AKAP6: variants seen among roughly 807,000 people sequenced by gnomAD.
The protein encoded by AKAP6 is A-kinase anchoring protein 6.
A neutral mutation model predicts 188.5 loss-of-function variants in AKAP6; 58 were observed. The ratio of observed to expected loss-of-function variants is 0.31; its 90% CI spans 0.25 to 0.38. AKAP6 has a LOEUF of 0.38. Among genes scored for constraint, AKAP6 ranks in the 10% least tolerant of loss-of-function variants. AKAP6 has a pLI of 1.00. For missense variants in AKAP6, 2,710 were observed against 2,740.0 expected (o/e 0.99, Z 0.24); for synonymous variants, 989 against 998.6 (o/e 0.99, Z 0.18).
At chr14:32,554,134 T>G (rs1475570867) in intron 4 of AKAP6, among the ~76,000 whole-genome samples, 2 of 152,258 alleles carry the variant, frequency 1.3e-5, no homozygotes, top group Non-Finnish European at 2.9e-5. Flanking sequence ...GTGAGCCAAA[T>G]GTGGCCCAAT....
chr14:32,475,678 C>CT (rs11156748), intron 2 of AKAP6, among the ~76,000 whole-genome samples: 36,998 of 123,570 alleles, frequency 0.3, 6,126 homozygotes, highest in South Asian at 0.46. Context: ...ATTTTCAGCT[C>CT]TTTTTTTTTT....
intron 1 of AKAP6, among the ~76,000 whole-genome samples, chr14:32,331,596 C>T (rs1412487761): frequency 6.6e-6 from 1 of 152,074 alleles, no homozygotes. Context: ...TGTAGAGGGC[C>T]ACAGCCTGCG....
intron 12 of AKAP6, among the ~76,000 whole-genome samples, chr14:32,799,435 C>T (rs1173119319): frequency 8.1e-6 from 1 of 123,974 alleles, no homozygotes; most frequent in South Asian, 3.2e-4. Context: ...CGAATATATG[C>T]ACTTAATGCT....
chr14:32,777,776 A>C (rs1052155891), intron 12 of AKAP6, among the ~76,000 whole-genome samples: 2 of 152,178 alleles, frequency 1.3e-5, no homozygotes, highest in African/African-American at 4.8e-5. Context: ...TCTTGCTCAC[A>C]TATGTAATTC....
At chr14:32,390,914 T>G (rs1380317748) in intron 1 of AKAP6, among the ~76,000 whole-genome samples, 1 of 152,178 alleles carries the variant, frequency 6.6e-6, no homozygotes, top group Non-Finnish European at 1.5e-5. Flanking sequence ...TCCTGCCTCC[T>G]GTCCGCCATG....
chr14:32,755,096 C>T (rs569701746), intron 11 of AKAP6, among the ~76,000 whole-genome samples: 3 of 152,304 alleles, frequency 2.0e-5, no homozygotes, highest in African/African-American at 7.2e-5. Flanking sequence ...TTTTTGCCCC[C>T]TTCTCTGGCT....
At chr14:32,608,225 G>T (rs1467171061) in intron 7 of AKAP6, among the ~76,000 whole-genome samples, 1 of 152,152 alleles carries the variant, frequency 6.6e-6, no homozygotes, top group Non-Finnish European at 1.5e-5. Flanking sequence ...GAGCATAGCA[G>T]ACCGAGCACA....
intron 2 of AKAP6, among the ~76,000 whole-genome samples, chr14:32,530,647 G>A (rs1882370714): frequency 6.6e-6 from 1 of 152,162 alleles, no homozygotes; most frequent in Admixed American, 6.5e-5. Context: ...ACAATTAGCA[G>A]GAACTGAGAA....
At chr14:32,420,937 T>TG (rs1594596736) in intron 1 of AKAP6, among the ~76,000 whole-genome samples, 4 of 57,110 alleles carry the variant, frequency 7.0e-5, no homozygotes, top group Admixed American at 2.1e-4. Flanking sequence ...GTGTGTGTGT[T>TG]TGTGTGTCTG....
At chr14:32,563,929 T>A (rs2139216919) in intron 4 of AKAP6, among the ~76,000 whole-genome samples, 1 of 152,330 alleles carries the variant, frequency 6.6e-6, no homozygotes, top group African/African-American at 2.4e-5. Flanking sequence ...TAATATATAC[T>A]TATTTATTTA....
At chr14:32,656,308 A>G (rs1888452217) in intron 7 of AKAP6, among the ~76,000 whole-genome samples, 2 of 152,290 alleles carry the variant, frequency 1.3e-5, no homozygotes, top group South Asian at 4.1e-4. Context: ...GTGTCCCAAC[A>G]AAACCTATTT....
intron 7 of AKAP6, among the ~76,000 whole-genome samples, chr14:32,615,591 CTTTTTTT>C (rs779867395): frequency 4.3e-5 from 5 of 115,306 alleles, no homozygotes; most frequent in South Asian, 2.7e-4. Context: ...TAAACCATTA[CTTTTTTT>C]TTTTTTTTTT....
At chr14:32,771,776 A>G (rs962506265) in intron 11 of AKAP6, among the ~76,000 whole-genome samples, 2 of 152,226 alleles carry the variant, frequency 1.3e-5, no homozygotes, top group Non-Finnish European at 2.9e-5. Context: ...TTTTAAAGAC[A>G]GTTTTGCAAA....
chr14:32,777,740 A>G (rs1334468707), intron 12 of AKAP6, among the ~76,000 whole-genome samples: 4 of 152,186 alleles, frequency 2.6e-5, no homozygotes, highest in African/African-American at 9.6e-5. Context: ...GAATCCCATA[A>G]TAAAAGGAAG....
At chr14:32,754,565 G>A (rs2032262323) in intron 11 of AKAP6, among the ~76,000 whole-genome samples, 1 of 152,110 alleles carries the variant, frequency 6.6e-6, no homozygotes, top group East Asian at 1.9e-4. Flanking sequence ...GGAATATTCT[G>A]AATTTGACTT....
chr14:32,561,189 A>G (rs1883941979), intron 4 of AKAP6, among the ~76,000 whole-genome samples: 1 of 152,148 alleles, frequency 6.6e-6, no homozygotes, highest in Admixed American at 6.6e-5. Flanking sequence ...AGATTATTGT[A>G]TGAAACTACA....
chr14:32,489,066 T>C (rs1210341327), intron 2 of AKAP6, among the ~76,000 whole-genome samples: 1 of 152,240 alleles, frequency 6.6e-6, no homozygotes, highest in Non-Finnish European at 1.5e-5. Context: ...GGTGTTTTCA[T>C]TAGGATGATG....
At chr14:32,335,239 C>T (rs978244620) in intron 1 of AKAP6, among the ~76,000 whole-genome samples, 10 of 152,126 alleles carry the variant, frequency 6.6e-5, no homozygotes, top group Non-Finnish European at 4.4e-5. Flanking sequence ...TGCATAGGGC[C>T]CTGCACTGAG....
chr14:32,385,250 C>T (rs1888493180), intron 1 of AKAP6: 2 of 151,854 alleles, frequency 1.3e-5, no homozygotes, highest in African/African-American at 4.8e-5. Context: ...CTGATTCAAG[C>T]TTTGAAGCCC....
Sources: gnomAD v4.1 joint callset for allele counts (sites outside exome capture counted in the v4.1 genomes callset) on GRCh38, gnomAD v4.1.1 for gene constraint, MANE v1.5 for transcripts, NCBI Gene and HGNC (gene_info 2026-07-23, HGNC 2026-07-21) for gene names.